The following DHRSX variants were observed in gnomAD, a reference collection of about 807,000 sequenced individuals.
DHRSX encodes dehydrogenase/reductase X-linked, also known as polyprenol dehydrogenase.
Under a neutral mutation model 34.0 loss-of-function variants are expected in DHRSX, and 31 were observed. The ratio of observed to expected loss-of-function variants is 0.91; its 90% CI spans 0.69 to 1.23. The LOEUF (loss-of-function observed/expected upper bound fraction) is 1.23. DHRSX is among the 50% of genes most tolerant of loss of function. DHRSX has a pLI of 0.00. For missense variants in DHRSX, 414 were observed against 428.1 expected, an observed-to-expected ratio of 0.97 and a Z score of 0.29; for synonymous variants, 201 against 183.8, an observed-to-expected ratio of 1.09 and a Z score of -0.76.
chrX:2,236,042 G>A (rs918498997), intron 6 of DHRSX, among the ~76,000 whole-genome samples: 53 of 151,968 alleles, frequency 3.5e-4, no homozygotes, highest in African/African-American at 5.6e-4. Context: ...AACCTGGGAC[G>A]CAGGGGTTGC....
At chrX:2,248,504 T>C (rs2016352244) in intron 5 of DHRSX, among the ~76,000 whole-genome samples, 1 of 146,698 alleles carries the variant, frequency 6.8e-6, no homozygotes, top group Admixed American at 6.9e-5. Context: ...TCCCAGCTAC[T>C]CGGGAGGCTG....
In DHRSX at chrX:2,360,475, T is replaced by C. The variant is rs769445506; in HGVS notation, c.286+48270A>G. 1.2e-3 allele frequency among the ~76,000 whole-genome samples: 179 copies of C among 151,914 alleles called. 1 individual carries two copies. The highest frequency in any genetic ancestry group is 2.0e-3 in the Non-Finnish European group (136 of 67,914). On this transcript the variant is annotated intron_variant, in intron 3 of 6. Transcript: ENST00000334651. ...GTGCGTGCCTGTAATCCCAGCTACT[T>C]GGGAGGCTGAGGCAGGAGAATCGCT...
intron 3 of DHRSX, among the ~76,000 whole-genome samples, chrX:2,346,242 C>T (rs758992268): frequency 2.4e-5 from 1 of 42,412 alleles, no homozygotes; most frequent in East Asian, 5.6e-4. Flanking sequence ...TACAGAGGTG[C>T]ATCTGACATG....
Position 2,375,714 on chromosome X carries a change from C to T in DHRSX, c.286+33031G>A, listed in dbSNP as rs951878520. Among the ~76,000 whole-genome samples, 7 of 136,556 alleles carry T rather than the reference C, an allele frequency of 5.1e-5. 1 individual carries two copies. Among genetic ancestry groups the T allele is most frequent in the African/African-American group, 1.5e-4 (6 of 40,422 alleles). 89.6% of individuals were successfully genotyped at this position (136,556 alleles called of 152,430 possible). ...GTAGTGCGATCTCGGCTCACTGCAA[C>T]GTCCGCCTCCTAGGTTCAAGTGATT... On this transcript the variant is annotated intron_variant, in intron 3 of 6. Coordinates refer to ENST00000334651, the MANE Select transcript of DHRSX (RefSeq NM_145177.3).
At chrX:2,407,289 G>A (rs1176010068) in intron 3 of DHRSX, among the ~76,000 whole-genome samples, 1 of 152,214 alleles carries the variant, frequency 6.6e-6, no homozygotes, top group Non-Finnish European at 1.5e-5. Context: ...GCGTGGGCTA[G>A]GGGATGGGGC....
chrX:2,345,022 C>T (rs1184759881), intron 3 of DHRSX, among the ~76,000 whole-genome samples: 1 of 151,176 alleles, frequency 6.6e-6, no homozygotes, highest in East Asian at 1.9e-4. Flanking sequence ...AAGACCCCTG[C>T]AGTCTACCCT....
rs990500706 is a variant in DHRSX at position 2,373,135 on chromosome X, C to A, written c.286+35610G>T. Among the ~76,000 whole-genome samples the A allele has an allele frequency of 1.2e-3, 188 of 152,162 alleles. 1 individual carries two copies. Among genetic ancestry groups the A allele is most frequent in the Non-Finnish European group, 2.2e-3 (152 of 68,024 alleles). ...AGGCAAAATGGCTCCTGTAGGGGAACTTCCATTTATAAAACATCAGATCTC... is the reference window on the plus strand; with the variant it reads ...AGGCAAAATGGCTCCTGTAGGGGAAATTCCATTTATAAAACATCAGATCTC... On this transcript the variant is annotated intron_variant, in intron 3 of 6. Transcript: ENST00000334651.
intron 3 of DHRSX, among the ~76,000 whole-genome samples, chrX:2,371,318 C>CCCGTTACTATAGTCCCTCCTT (rs1262248694): frequency 2.1e-5 from 3 of 141,176 alleles, no homozygotes; most frequent in Admixed American, 7.0e-5. Flanking sequence ...AGACCCTCCT[C>CCCGTTACTATAGTCCCTCCTT]CCGTTACTAT....
At chrX:2,468,297 G>A (rs1320839876) in intron 1 of DHRSX, among the ~76,000 whole-genome samples, 1 of 152,096 alleles carries the variant, frequency 6.6e-6, no homozygotes, top group Non-Finnish European at 1.5e-5. Context: ...GGACCGGGCA[G>A]GGGAAGGAAT....
intron 3 of DHRSX, among the ~76,000 whole-genome samples, chrX:2,384,311 A>C (rs1226239909): frequency 1.3e-5 from 2 of 152,186 alleles, no homozygotes; most frequent in Admixed American, 6.5e-5. Flanking sequence ...CTGTGGAAGC[A>C]GGGAGGTGTA....
At chrX:2,480,609 G>A (rs2044754385) in intron 1 of DHRSX, among the ~76,000 whole-genome samples, 1 of 151,900 alleles carries the variant, frequency 6.6e-6, no homozygotes, top group Admixed American at 6.6e-5. Flanking sequence ...CTTCAGCCCA[G>A]GAATTCAAGA....
At chrX:2,397,893 GGAA>G (rs2043432377) in intron 3 of DHRSX, among the ~76,000 whole-genome samples, 1 of 151,202 alleles carries the variant, frequency 6.6e-6, no homozygotes, top group South Asian at 2.1e-4. Context: ...GTCGTCTAAT[GGAA>G]GAAGATTAAA....
intron 4 of DHRSX, among the ~76,000 whole-genome samples, chrX:2,273,832 G>A (rs1862561365): frequency 6.6e-6 from 1 of 152,182 alleles, no homozygotes; most frequent in Non-Finnish European, 1.5e-5. Context: ...TCTTTTGCAA[G>A]AGCAGAGGGG....
Position 2,284,383 on chromosome X carries a change from C to T in DHRSX, c.388+7119G>A, listed in dbSNP as rs186815934. On this transcript the variant is annotated intron_variant, in intron 4 of 6. Coordinates refer to ENST00000334651, the MANE Select transcript of DHRSX (RefSeq NM_145177.3). ...ATTCATTCATTCACTCATTTGAATT[C>T]ATTCAAGTGAATGAATGAATTTGAA... Among the ~76,000 whole-genome samples the T allele has an allele frequency of 1.4e-3, 213 of 148,276 alleles. 1 individual carries two copies. Among genetic ancestry groups the T allele is most frequent in the Admixed American group, 6.0e-3 (87 of 14,560 alleles).
chrX:2,500,309 AC>A, intron 1 of DHRSX: 1 of 187,056 alleles, frequency 5.3e-6, no homozygotes, highest in Admixed American at 4.9e-5. Flanking sequence ...ATCCTCACTT[AC>A]CCTGGGGTGG....
At chrX:2,266,638 G>A (rs981249390) in intron 5 of DHRSX, 102 bp downstream of exon 5, 605 of 1,171,422 alleles carry the variant, frequency 5.2e-4, no homozygotes, top group Non-Finnish European at 7.2e-4. Flanking sequence ...GAGCACCAGC[G>A]TCCAGCAGAT....
At chrX:2,221,935 G>GA (rs1486629868) in intron 6 of DHRSX, among the ~76,000 whole-genome samples, 2 of 152,136 alleles carry the variant, frequency 1.3e-5, no homozygotes, top group African/African-American at 4.8e-5. Flanking sequence ...TCAGAGCTAG[G>GA]ATGCAATAAT....
chrX:2,456,434 T>A (rs1382692283), intron 1 of DHRSX, among the ~76,000 whole-genome samples: 1 of 151,762 alleles, frequency 6.6e-6, no homozygotes, highest in African/African-American at 2.4e-5. Context: ...GCCAACATGA[T>A]GAAACCCCAT....
At chrX:2,252,100 T>G (rs2016447538) in intron 5 of DHRSX, among the ~76,000 whole-genome samples, 1 of 151,894 alleles carries the variant, frequency 6.6e-6, no homozygotes, top group African/African-American at 2.4e-5. Context: ...TAGCAGGGCG[T>G]GGTGGCAGGT....
Sources: allele counts gnomAD v4.1 joint callset (sites outside exome capture counted in the v4.1 genomes callset), GRCh38; gene constraint gnomAD v4.1.1; transcripts MANE v1.5; gene names NCBI Gene and HGNC (gene_info 2026-07-23, HGNC 2026-07-21).